FRMD3: variants seen among roughly 807,000 people sequenced by gnomAD.
FRMD3 encodes FERM domain containing 3.
FRMD3 carries 33 observed loss-of-function variants against 70.2 expected under a neutral mutation model. That is an observed-to-expected ratio of 0.47 (90% CI 0.36 to 0.63). The LOEUF is 0.63. Among genes scored for constraint, FRMD3 ranks in the 20% least tolerant of loss-of-function variants. FRMD3 has a pLI of 0.00. For missense variants in FRMD3, 632 were observed against 711.4 expected (o/e 0.89, Z 1.27); for synonymous variants, 279 against 255.9 (o/e 1.09, Z -0.86).
chr9:83,423,930 G>A (rs1182675664), intron 1 of FRMD3, among the ~76,000 whole-genome samples: 1 of 152,070 alleles, frequency 6.6e-6, no homozygotes, highest in Admixed American at 6.5e-5. Flanking sequence ...AGCCACATAT[G>A]GCTAGTGTCT....
chr9:83,524,291 T>G (rs1454364319), intron 1 of FRMD3, among the ~76,000 whole-genome samples: 1 of 152,212 alleles, frequency 6.6e-6, no homozygotes, highest in Non-Finnish European at 1.5e-5. Flanking sequence ...CTACAAGCAA[T>G]ATTTGTACCA....
chr9:83,335,060 A>C (rs1823531484), intron 6 of FRMD3, among the ~76,000 whole-genome samples: 1 of 152,222 alleles, frequency 6.6e-6, no homozygotes. Flanking sequence ...TGAGAAAAAG[A>C]GGATCAGACA....
intron 1 of FRMD3, among the ~76,000 whole-genome samples, chr9:83,401,759 A>G (rs1825956897): frequency 1.3e-5 from 2 of 152,228 alleles, no homozygotes; most frequent in African/African-American, 4.8e-5. Context: ...CCTGGAAGTG[A>G]CATGCATCAC....
chr9:83,559,653 AT>A, the FRMD3 span, among the ~76,000 whole-genome samples: 1 of 152,210 alleles, frequency 6.6e-6, no homozygotes, highest in Admixed American at 6.5e-5. Context: ...TTTAAAATCT[AT>A]CACTATACGT....
At chr9:83,571,464 A>G in the FRMD3 span, among the ~76,000 whole-genome samples, 25 of 152,366 alleles carry the variant, frequency 1.6e-4, no homozygotes, top group Non-Finnish European at 8.8e-5. Flanking sequence ...TGCAATTGCC[A>G]TTCATGAAAA....
chr9:83,357,961 C>A (rs750993735), intron 3 of FRMD3, among the ~76,000 whole-genome samples: 4 of 152,038 alleles, frequency 2.6e-5, no homozygotes, highest in Non-Finnish European at 5.9e-5. Context: ...GTTTTTGTTG[C>A]ACTTGCTTTT....
the FRMD3 span, among the ~76,000 whole-genome samples, chr9:83,550,910 T>A: frequency 8.5e-5 from 13 of 152,246 alleles, no homozygotes; most frequent in African/African-American, 2.4e-4. Context: ...TATAGAATCA[T>A]ATTGTCTGCA....
At chr9:83,341,752 A>G (rs1340891849) in intron 5 of FRMD3, among the ~76,000 whole-genome samples, 1 of 152,158 alleles carries the variant, frequency 6.6e-6, no homozygotes, top group Non-Finnish European at 1.5e-5. Context: ...TCTGCTGTCC[A>G]GGATGAAGCT....
At chr9:83,325,711 A>T (rs1416586049) in intron 6 of FRMD3, among the ~76,000 whole-genome samples, 1 of 152,298 alleles carries the variant, frequency 6.6e-6, no homozygotes, top group East Asian at 1.9e-4. Flanking sequence ...GGTAACTGAT[A>T]CTCAGATCCG....
chr9:83,323,122 A>G (rs112780327), intron 6 of FRMD3, among the ~76,000 whole-genome samples: 54 of 152,350 alleles, frequency 3.5e-4, no homozygotes, highest in African/African-American at 1.2e-3. Flanking sequence ...ACTCTTTGGC[A>G]TTATCTACTA....
intron 1 of FRMD3, among the ~76,000 whole-genome samples, chr9:83,510,184 C>T (rs533803030): frequency 3.6e-4 from 55 of 152,218 alleles, no homozygotes; most frequent in African/African-American, 1.3e-3. Flanking sequence ...AAGAGGAGGG[C>T]TCCAGAGAGA....
At chr9:83,330,961 G>A (rs1049939225) in intron 6 of FRMD3, among the ~76,000 whole-genome samples, 1 of 152,186 alleles carries the variant, frequency 6.6e-6, no homozygotes, top group African/African-American at 2.4e-5. Flanking sequence ...CCAAATGTTG[G>A]CAAGGATGTG....
intron 1 of FRMD3, among the ~76,000 whole-genome samples, chr9:83,393,783 A>C (rs1668449733): frequency 6.6e-6 from 1 of 152,236 alleles, no homozygotes; most frequent in Non-Finnish European, 1.5e-5. Flanking sequence ...AGCAGCTGTA[A>C]ATACAGATGA....
At chr9:83,376,150 G>C (rs1825138475) in intron 2 of FRMD3, among the ~76,000 whole-genome samples, 1 of 128,800 alleles carries the variant, frequency 7.8e-6, no homozygotes, top group Non-Finnish European at 1.6e-5. Context: ...ACAAGAGCAA[G>C]ATTCTGTTTA....
Position 83,292,294 on chromosome 9 carries a change from G to A in FRMD3, c.1071-1567C>T, listed in dbSNP as rs554053202. Among the ~76,000 whole-genome samples the A allele has an allele frequency of 1.2e-3, 188 of 151,958 alleles. 1 individual carries two copies. Among genetic ancestry groups the A allele is most frequent in the African/African-American group, 4.3e-3 (178 of 41,438 alleles). ...CTGCCTCAGCCTCGCGAGTAGCTGGGATTACAGGTGTGTGCCACCACACCC... is the reference window on the plus strand; with the variant it reads ...CTGCCTCAGCCTCGCGAGTAGCTGGAATTACAGGTGTGTGCCACCACACCC... On this transcript the variant is annotated intron_variant, in intron 12 of 13. Transcript: ENST00000304195.
intron 1 of FRMD3, among the ~76,000 whole-genome samples, chr9:83,458,285 C>T (rs1278893164): frequency 6.6e-6 from 1 of 152,200 alleles, no homozygotes; most frequent in African/African-American, 2.4e-5. Flanking sequence ...TATAGCTGGA[C>T]ACAAGGTCAG....
chr9:83,372,836 A>G (rs969167600), intron 3 of FRMD3, 77 bp downstream of exon 3: 11 of 1,292,996 alleles, frequency 8.5e-6, no homozygotes, highest in Non-Finnish European at 1.1e-5. Flanking sequence ...TTCCCCTGGC[A>G]GGAGAAAGTT....
At chr9:83,279,586 G>A (rs1345237392) in intron 13 of FRMD3, 1 of 151,944 alleles carries the variant, frequency 6.6e-6, no homozygotes, top group Non-Finnish European at 1.5e-5. Flanking sequence ...TAAAAAAAGT[G>A]GTACATATAT....
chr9:83,480,097 C>G (rs561562669), intron 1 of FRMD3, among the ~76,000 whole-genome samples: 1 of 152,030 alleles, frequency 6.6e-6, no homozygotes, highest in Non-Finnish European at 1.5e-5. Flanking sequence ...AGATATATGC[C>G]ATAAGAAATT....
Sources: allele counts gnomAD v4.1 joint callset (sites outside exome capture counted in the v4.1 genomes callset), GRCh38; gene constraint gnomAD v4.1.1; transcripts MANE v1.5; gene names NCBI Gene and HGNC (gene_info 2026-07-23, HGNC 2026-07-21).